NDUFB5: variants seen among roughly 807,000 people sequenced by gnomAD.
The protein encoded by NDUFB5 is NADH:ubiquinone oxidoreductase subunit B5, also known as NADH dehydrogenase [ubiquinone] 1 beta subcomplex subunit 5, mitochondrial.
NDUFB5 carries 19 observed loss-of-function variants against 19.4 expected under a neutral mutation model. That is an observed-to-expected ratio of 0.98 (90% CI 0.68 to 1.43). NDUFB5 has a LOEUF of 1.43. NDUFB5 is among the 40% of genes most tolerant of loss of function. The pLI, the probability that NDUFB5 is intolerant of heterozygous loss-of-function variation, is 0.00. For synonymous variants in NDUFB5, 80 were observed against 82.6 expected, an observed-to-expected ratio of 0.97 and a Z score of 0.17; for missense variants, 233 against 236.5, an observed-to-expected ratio of 0.99 and a Z score of 0.10.
chr3:179,618,671 G>A, intron 5 of NDUFB5, 150 bp downstream of exon 5: 1 of 593,770 alleles, frequency 1.7e-6, no homozygotes, highest in South Asian at 1.9e-5. Context: ...GCTCACACCT[G>A]TAATCCCAGC....
chr3:179,618,224 C>T lies in NDUFB5; in HGVS notation c.343-191C>T, dbSNP rs6805470. On this transcript the variant is annotated intron_variant, in intron 4 of 5. Transcript: ENST00000259037. ...TAGCTACGTAACTTTGTGCAATTCA[C>T]TTATCTTTAAAATGCGGACAAAAAT... is the stretch of plus-strand genomic sequence containing the variant. 2.2e-3 allele frequency: 992 copies of T among 444,446 alleles called. 9 individuals are homozygous for T. Among genetic ancestry groups the T allele is most frequent in the African/African-American group, 0.019 (904 of 48,506 alleles). The allele number at this position is 444,446 out of a possible 1,614,324, so 27.5% of individuals were successfully genotyped here.
intron 4 of NDUFB5, 194 bp downstream of exon 4, chr3:179,617,238 A>G (rs373622173): frequency 4.7e-4 from 193 of 408,428 alleles, no homozygotes; most frequent in African/African-American, 3.6e-3. Flanking sequence ...CCCGCATTCA[A>G]GCGATTCTCA....
At chr3:179,611,661 A>C (rs1039661207) in intron 1 of NDUFB5, among the ~76,000 whole-genome samples, 4 of 152,010 alleles carry the variant, frequency 2.6e-5, no homozygotes, top group Non-Finnish European at 5.9e-5. Flanking sequence ...CAGCCTCCCA[A>C]AGTGCTGGGA....
chr3:179,617,536 T>C (rs888875077), intron 4 of NDUFB5: 4 of 152,456 alleles, frequency 2.6e-5, no homozygotes, highest in African/African-American at 9.6e-5. Flanking sequence ...TTTAAAAAAA[T>C]CATTTTAAGC....
intron 5 of NDUFB5, among the ~76,000 whole-genome samples, chr3:179,621,585 C>G (rs895110000): frequency 6.7e-6 from 1 of 150,306 alleles, no homozygotes; most frequent in Non-Finnish European, 1.5e-5. Context: ...CTCTGCTTTC[C>G]GGGTTCAAGC....
intron 1 of NDUFB5, among the ~76,000 whole-genome samples, chr3:179,606,487 C>A (rs954322496): frequency 4.6e-5 from 7 of 151,958 alleles, no homozygotes; most frequent in African/African-American, 1.7e-4. Flanking sequence ...TACAGTTGCA[C>A]GCCTCCATGC....
At position 179,604,995 on chromosome 3, in the gene NDUFB5, A is replaced by G. The variant is rs74703217; in HGVS notation, c.124+56A>G. The G allele has an allele frequency of 4.4e-4, 652 of 1,492,272 alleles. 2 individuals are homozygous for G. In the African/African-American group the frequency reaches 7.9e-3, roughly 18 times the overall value. 92.4% of individuals were successfully genotyped at this position (1,492,272 alleles called of 1,614,324 possible). ...AAGCGGGTGCGGGGCGAGAAAAGGGAGGACGCTTCCAGGGTGACCTTGGTG... is the reference window on the plus strand; with the variant it reads ...AAGCGGGTGCGGGGCGAGAAAAGGGGGGACGCTTCCAGGGTGACCTTGGTG... On this transcript the variant is annotated intron_variant, in intron 1 of 5. Coordinates refer to ENST00000259037, the MANE Select transcript of NDUFB5 (RefSeq NM_002492.4).
intron 5 of NDUFB5, among the ~76,000 whole-genome samples, chr3:179,619,937 C>T (rs1325363056): frequency 2.0e-5 from 3 of 152,194 alleles, no homozygotes; most frequent in African/African-American, 7.2e-5. Context: ...ATTTGCATTT[C>T]TCTGATGGCC....
At chr3:179,617,553 A>G (rs936380991) in intron 4 of NDUFB5, 3 of 152,586 alleles carry the variant, frequency 2.0e-5, no homozygotes, top group Admixed American at 6.5e-5. Context: ...AAGCTTTACA[A>G]TTTTTTAAAG....
intron 5 of NDUFB5, among the ~76,000 whole-genome samples, chr3:179,619,709 T>C (rs1419561824): frequency 6.6e-6 from 1 of 152,212 alleles, no homozygotes; most frequent in Non-Finnish European, 1.5e-5. Context: ...TTTGGGTATA[T>C]ACCCAGTAAT....
intron 5 of NDUFB5, among the ~76,000 whole-genome samples, chr3:179,623,633 C>G (rs945144249): frequency 7.2e-5 from 11 of 152,126 alleles, no homozygotes; most frequent in African/African-American, 2.7e-4. Context: ...GAGACTGCGC[C>G]ATAGCACTCT....
rs879788951 is a variant in NDUFB5, at chr3:179,618,856, G to GA, written c.449+345dup. 7.1e-3 allele frequency among the ~76,000 whole-genome samples: 1,056 copies of GA among 148,306 alleles called. 6 individuals are homozygous for GA. The highest frequency in any genetic ancestry group is 0.012 in the Non-Finnish European group (769 of 66,732). ...GCAGTGTGAGACTCCGTCTCCAAAG[G>GA]AAAAAAAAAATGGATAAAGATAGAA... On this transcript the variant is annotated intron_variant, in intron 5 of 5. Transcript: ENST00000259037.
chr3:179,614,870 C>T, intron 1 of NDUFB5, 101 bp from the exon 2 acceptor site: 1 of 847,022 alleles, frequency 1.2e-6, no homozygotes, highest in East Asian at 2.7e-5. Flanking sequence ...TTATGAGCTA[C>T]AAAAGGATCC....
chr3:179,620,982 G>A (rs1050023253), intron 5 of NDUFB5, among the ~76,000 whole-genome samples: 11 of 152,094 alleles, frequency 7.2e-5, no homozygotes, highest in African/African-American at 2.2e-4. Flanking sequence ...TTTGTTGATA[G>A]GGTAATTGAA....
intron 5 of NDUFB5, 41 bp downstream of exon 5, chr3:179,618,562 T>C: frequency 7.4e-7 from 1 of 1,351,322 alleles, no homozygotes; most frequent in Non-Finnish European, 1.0e-6. Flanking sequence ...AAAATCTTCC[T>C]AAGGTAGCAA....
Position 179,604,931 on chromosome 3 carries a change from A to T in NDUFB5, c.116A>T (p.Lys39Met). 6.3e-7 allele frequency: 1 copy of T among 1,584,176 alleles called. No individual in the cohort carries two copies. Among genetic ancestry groups the T allele is most frequent in the Non-Finnish European group, 8.5e-7 (1 of 1,170,402 alleles). The change falls in exon 1 of 6, where the codon AAG becomes ATG. Residue 39 changes from lysine to methionine, a missense_variant. By Grantham distance (95) the Lys-to-Met change is moderately conservative. Transcript: ENST00000259037. ...GGCTTCCTCACTCGTGGCTTTCCGA[A>T]GGCTGCTGGTGGGTGCTGGCCTAGG... The part of the protein sequence containing the change: ...FGGFLTRGFP[K>M]AAAPVRHSGD...
intron 1 of NDUFB5, among the ~76,000 whole-genome samples, chr3:179,613,867 G>A (rs1560024855): frequency 6.6e-6 from 1 of 152,082 alleles, no homozygotes. Flanking sequence ...TTCAACAGTA[G>A]GAAAGATCTC....
rs1719644427 is a variant in NDUFB5 at position 179,625,394 on chromosome 3, G to A, written c.*1354G>A. On this transcript the variant is annotated 3_prime_UTR_variant, in exon 6 of 6. Coordinates refer to ENST00000259037, the MANE Select transcript of NDUFB5 (RefSeq NM_002492.4). ...TGCTGCCTAAACACACAAGTGAATT[G>A]AAAAGCCACAGGCCATTCATTCAAC... is the stretch of plus-strand genomic sequence containing the variant. 3 of 152,072 alleles carry A rather than the reference G, an allele frequency of 2.0e-5. No individual in the cohort carries two copies. Among genetic ancestry groups the A allele is most frequent in the African/African-American group, 7.2e-5 (3 of 41,420 alleles). The allele number at this position is 152,072 out of a possible 1,614,324, so 9.4% of individuals were successfully genotyped here.
chr3:179,604,955 G>T lies in NDUFB5; in HGVS notation c.124+16G>T. ...AAGGCTGCTGGTGGGTGCTGGCCTAGGGAGAACGGGCGTGAAGCGGGTGCG... is the reference window on the plus strand; with the variant it reads ...AAGGCTGCTGGTGGGTGCTGGCCTATGGAGAACGGGCGTGAAGCGGGTGCG... On this transcript the variant is annotated intron_variant, in intron 1 of 5. Coordinates refer to ENST00000259037, the MANE Select transcript of NDUFB5 (RefSeq NM_002492.4). 6.4e-7 allele frequency: 1 copy of T among 1,551,920 alleles called. No individual in the cohort carries two copies. The highest frequency in any genetic ancestry group is 8.7e-7 in the Non-Finnish European group (1 of 1,154,644).
Sources: gnomAD v4.1 joint callset for allele counts (sites outside exome capture counted in the v4.1 genomes callset) on GRCh38, gnomAD v4.1.1 for gene constraint, MANE v1.5 for transcripts, NCBI Gene and HGNC (gene_info 2026-07-23, HGNC 2026-07-21) for gene names.